ARID5B: variants seen among roughly 807,000 people sequenced by gnomAD.
ARID5B encodes AT-rich interactive domain-containing protein 5B.
Under a neutral mutation model 97.2 loss-of-function variants are expected in ARID5B, and 13 were observed. That is an observed-to-expected ratio of 0.13 (90% confidence interval 0.09 to 0.21). The LOEUF is 0.21. ARID5B is among the 10% of genes least tolerant of loss of function. The pLI is 1.00. For synonymous variants in ARID5B, 556 were observed against 570.3 expected (o/e 0.97, Z 0.36); for missense variants, 1,210 against 1,465.3 (o/e 0.83, Z 2.84).
At chr10:62,044,316 A>G (rs1471436849) in intron 4 of ARID5B, among the ~76,000 whole-genome samples, 1 of 151,672 alleles carries the variant, frequency 6.6e-6, no homozygotes, top group African/African-American at 2.4e-5. Context: ...ACATTTGAAC[A>G]TGAAAAGTGT....
At position 62,092,322 on chromosome 10, in the gene ARID5B, A is replaced by G; in HGVS notation, c.2859A>G (p.Lys953=). ...LGSQSRDCHP[K]ACRVSPMTMS... is the part of the protein sequence containing the mutation. Reference sequence around the variant, plus strand: ...GCCAGAGTCGAGACTGTCACCCCAAAGCCTGTCGGGTATCACCCATGACCA... The same window carrying G: ...GCCAGAGTCGAGACTGTCACCCCAAGGCCTGTCGGGTATCACCCATGACCA... The change falls in exon 10 of 10, where the codon AAA becomes AAG. Residue 953 remains lysine, a synonymous_variant. Coordinates refer to ENST00000279873, the MANE Select transcript of ARID5B (RefSeq NM_032199.3). The G allele has an allele frequency of 6.2e-7, 1 of 1,612,736 alleles. No homozygotes were observed. Among genetic ancestry groups the G allele is most frequent in the Non-Finnish European group, 8.5e-7 (1 of 1,179,412 alleles).
intron 4 of ARID5B, among the ~76,000 whole-genome samples, chr10:62,005,887 T>C (rs1187512526): frequency 2.0e-5 from 3 of 152,238 alleles, no homozygotes; most frequent in Non-Finnish European, 4.4e-5. Flanking sequence ...GTAGGTTTCA[T>C]GGTCACAGTG....
intron 2 of ARID5B, 152 bp downstream of exon 2, chr10:61,902,565 C>G (rs1172209420): frequency 2.7e-6 from 3 of 1,105,772 alleles, no homozygotes; most frequent in Non-Finnish European, 3.8e-6. Context: ...AGCTGGGGCT[C>G]GAGTATTTTG....
chr10:62,003,476 G>A (rs528734345), intron 4 of ARID5B, among the ~76,000 whole-genome samples: 1 of 152,318 alleles, frequency 6.6e-6, no homozygotes, highest in South Asian at 2.1e-4. Context: ...TATTGGAAAT[G>A]TCTAGATTGT....
chr10:62,000,834 T>C lies in ARID5B; in HGVS notation c.733+513T>C, dbSNP rs1839068642. ...AGTAGATAGACACGTAGAGAGATGA[T>C]AGATAGATAGATAGATAGATAGATA... On this transcript the variant is annotated intron_variant, in intron 4 of 9. Coordinates refer to ENST00000279873, the MANE Select transcript of ARID5B (RefSeq NM_032199.3). This position sits in a 1 kb window ranked among gnomAD's most constrained non-coding sequence, Gnocchi z 4.4. Among the ~76,000 whole-genome samples the C allele has an allele frequency of 1.8e-5, 2 of 109,816 alleles. No individual in the cohort carries two copies. The highest frequency in any genetic ancestry group is 1.7e-4 in the Admixed American group (2 of 11,722). 72.0% of individuals were successfully genotyped at this position (109,816 alleles called of 152,430 possible). A position where few individuals can be genotyped will look rare whatever the true frequency, so the allele number is the denominator to read the frequency against.
intron 3 of ARID5B, among the ~76,000 whole-genome samples, chr10:61,972,630 AG>A (rs1838645121): frequency 6.6e-6 from 1 of 152,218 alleles, no homozygotes; most frequent in African/African-American, 2.4e-5. Context: ...CTATTATGGA[AG>A]TGCCATAGCT....
intron 4 of ARID5B, chr10:62,049,193 C>CG: frequency 7.8e-7 from 1 of 1,288,318 alleles, no homozygotes; most frequent in Non-Finnish European, 9.9e-7. Flanking sequence ...CATCTCCGTG[C>CG]GGGGAGGTGG....
At chr10:62,063,485 G>T (rs1277634547) in intron 7 of ARID5B, among the ~76,000 whole-genome samples, 2 of 150,298 alleles carry the variant, frequency 1.3e-5, no homozygotes, top group Admixed American at 6.6e-5. Flanking sequence ...TTTCATTTCA[G>T]TCCTCTACAA....
At chr10:61,959,083 C>G (rs184248406) in intron 3 of ARID5B, among the ~76,000 whole-genome samples, 170 of 152,310 alleles carry the variant, frequency 1.1e-3, no homozygotes, top group African/African-American at 3.9e-3. Flanking sequence ...GCAATATTTT[C>G]ATATTATATT....
intron 4 of ARID5B, among the ~76,000 whole-genome samples, chr10:62,048,532 G>A (rs1037033276): frequency 6.6e-6 from 1 of 152,188 alleles, no homozygotes; most frequent in Non-Finnish European, 1.5e-5. Context: ...TTTTTCTCTT[G>A]ATCAAATCCC....
At chr10:62,015,847 C>T (rs558817870) in intron 4 of ARID5B, among the ~76,000 whole-genome samples, 6 of 152,304 alleles carry the variant, frequency 3.9e-5, no homozygotes, top group African/African-American at 1.4e-4. Context: ...TGGTCTTGAA[C>T]TCCGACCTCA....
intron 4 of ARID5B, among the ~76,000 whole-genome samples, chr10:62,005,796 T>A (rs1245726616): frequency 1.3e-5 from 2 of 152,204 alleles, no homozygotes; most frequent in East Asian, 3.8e-4. Context: ...ACATCACATG[T>A]TTTGCTGGAA....
chr10:61,964,353 C>T (rs1838515211), intron 3 of ARID5B, among the ~76,000 whole-genome samples: 1 of 152,102 alleles, frequency 6.6e-6, no homozygotes, highest in African/African-American at 2.4e-5. Context: ...CTGATGAGGC[C>T]ATTCTAGTGC....
intron 4 of ARID5B, among the ~76,000 whole-genome samples, chr10:62,014,473 A>G (rs1839258489): frequency 6.6e-6 from 1 of 152,176 alleles, no homozygotes; most frequent in Non-Finnish European, 1.5e-5. Context: ...GTAGTTGCAG[A>G]TGGGTAAAAG....
intron 2 of ARID5B, among the ~76,000 whole-genome samples, chr10:61,906,587 A>G (rs1039727509): frequency 5.3e-5 from 8 of 152,226 alleles, no homozygotes; most frequent in African/African-American, 1.9e-4. Flanking sequence ...TGGATGGCTA[A>G]GCTAATGATG....
intron 2 of ARID5B, among the ~76,000 whole-genome samples, chr10:61,911,980 A>G (rs1345377141): frequency 6.6e-6 from 1 of 152,220 alleles, no homozygotes; most frequent in Non-Finnish European, 1.5e-5. Flanking sequence ...CAAGGAGGGC[A>G]GCAGGAGTTA....
In ARID5B at chr10:62,095,864, G is replaced by A. The variant is rs1321983328; in HGVS notation, c.*2834G>A. 2 of 230,816 alleles carry A rather than the reference G, an allele frequency of 8.7e-6. No homozygotes were observed. Among genetic ancestry groups the A allele is most frequent in the African/African-American group, 2.2e-5 (1 of 45,182 alleles). 14.3% of individuals were successfully genotyped at this position (230,816 alleles called of 1,614,324 possible). A position where few individuals can be genotyped will look rare whatever the true frequency, so the allele number is the denominator to read the frequency against. On this transcript the variant is annotated 3_prime_UTR_variant, in exon 10 of 10. Transcript: ENST00000279873. ...TGGTAGTTCTGTAAAGGAAACTGTG[G>A]AATCGAATTGGCAGTGGAGTCATAA... is the stretch of plus-strand genomic sequence containing the variant.
intron 3 of ARID5B, among the ~76,000 whole-genome samples, chr10:61,995,602 T>C (rs114446320): frequency 3.5e-3 from 540 of 152,246 alleles, no homozygotes; most frequent in African/African-American, 0.012. Context: ...TACTCTGTTA[T>C]ACACACCTTT....
chr10:61,905,184 A>C (rs1274114923), intron 2 of ARID5B, among the ~76,000 whole-genome samples: 1 of 152,284 alleles, frequency 6.6e-6, no homozygotes, highest in African/African-American at 2.4e-5. Flanking sequence ...TACTTGGAGA[A>C]AATGTTCAGC....
Sources: gnomAD v4.1 joint callset for allele counts (sites outside exome capture counted in the v4.1 genomes callset) on GRCh38, gnomAD v4.1.1 for gene constraint, Gnocchi (gnomAD v3.1) non-coding constraint, MANE v1.5 for transcripts, NCBI Gene and HGNC (gene_info 2026-07-23, HGNC 2026-07-21) for gene names.